The following ZC3H6 variants were observed in gnomAD, a reference collection of about 807,000 sequenced individuals.
ZC3H6 encodes zinc finger CCCH-type containing 6.
A neutral mutation model predicts 107.7 loss-of-function variants in ZC3H6; 40 were observed. The observed-to-expected ratio is 0.37, with a 90% CI of 0.29 to 0.48. The LOEUF (loss-of-function observed/expected upper bound fraction) is 0.48. ZC3H6 is among the 20% of genes least tolerant of loss of function. ZC3H6 has a pLI of 0.98. For missense variants in ZC3H6, 1,267 were observed against 1,410.4 expected (o/e 0.90, Z 1.63); for synonymous variants, 493 against 487.9 (o/e 1.01, Z -0.14).
chr2:112,307,018 A>G (rs967148647), intron 3 of ZC3H6, among the ~76,000 whole-genome samples: 4 of 152,176 alleles, frequency 2.6e-5, no homozygotes, highest in Non-Finnish European at 5.9e-5. Context: ...CTACAAACGG[A>G]TTTAAGAAAA....
chr2:112,330,164 T>C (rs890512976), intron 11 of ZC3H6, among the ~76,000 whole-genome samples: 4 of 151,904 alleles, frequency 2.6e-5, no homozygotes, highest in African/African-American at 9.7e-5. Flanking sequence ...GCCATTCTCC[T>C]GCCTCAGCCT....
At chr2:112,282,931 A>G (rs1382574393) in intron 1 of ZC3H6, among the ~76,000 whole-genome samples, 2 of 152,194 alleles carry the variant, frequency 1.3e-5, no homozygotes, top group South Asian at 2.1e-4. Context: ...TGATGCTTAT[A>G]TGATAGTGTT....
intron 1 of ZC3H6, among the ~76,000 whole-genome samples, chr2:112,297,256 T>C (rs1676258236): frequency 6.6e-6 from 1 of 152,212 alleles, no homozygotes; most frequent in Admixed American, 6.5e-5. Flanking sequence ...GTGGATTATT[T>C]TGAAGCAGAT....
In ZC3H6 at chr2:112,308,563, T is replaced by G. The variant is rs781255406; in HGVS notation, c.337-1322T>G. ...CTCCTGCCTCAGACTCCTGAGTAGC[T>G]GAGACTACAGGTGTATGCTACCACA... On this transcript the variant is annotated intron_variant, in intron 3 of 11. Coordinates refer to ENST00000409871, the MANE Select transcript of ZC3H6 (RefSeq NM_198581.3). Among the ~76,000 whole-genome samples the G allele has an allele frequency of 1.2e-3, 174 of 150,478 alleles. 1 individual carries two copies. The highest frequency in any genetic ancestry group is 2.0e-3 in the Non-Finnish European group (134 of 67,456).
In ZC3H6 at chr2:112,275,948, C is replaced by A; in HGVS notation, c.-47C>A. 1 of 1,500,572 alleles carries A rather than the reference C, an allele frequency of 6.7e-7. No homozygotes were observed. The highest frequency in any genetic ancestry group is 8.9e-7 in the Non-Finnish European group (1 of 1,124,894). The allele number at this position is 1,500,572 out of a possible 1,614,324, so 93.0% of individuals were successfully genotyped here. On this transcript the variant is annotated 5_prime_UTR_variant, in exon 1 of 12. Transcript: ENST00000409871. ...GGTCTTCCCCGCGCCCCGCCGCCGCCGGCCTCGCAGACCTGCCCTCCAGCC... is the reference window on the plus strand; with the variant it reads ...GGTCTTCCCCGCGCCCCGCCGCCGCAGGCCTCGCAGACCTGCCCTCCAGCC...
At chr2:112,326,136 G>A (rs1676902763) in intron 11 of ZC3H6, among the ~76,000 whole-genome samples, 1 of 152,060 alleles carries the variant, frequency 6.6e-6, no homozygotes, top group Admixed American at 6.5e-5. Context: ...TTTGATAGAG[G>A]CATGCAATGC....
chr2:112,308,404 T>TTTTTTTTATTTATTTATTTA (rs1553493701), intron 3 of ZC3H6, among the ~76,000 whole-genome samples: 1 of 138,274 alleles, frequency 7.2e-6, no homozygotes, highest in African/African-American at 2.8e-5. Context: ...TTTTATTTTA[T>TTTTTTTTATTTATTTATTTA]TTTATTTATT....
intron 1 of ZC3H6, among the ~76,000 whole-genome samples, chr2:112,293,103 TAAGA>T (rs1045363756): frequency 3.9e-5 from 6 of 152,214 alleles, no homozygotes; most frequent in African/African-American, 4.8e-5. Context: ...CAAAAGTAAG[TAAGA>T]AAGGAATTCT....
intron 1 of ZC3H6, among the ~76,000 whole-genome samples, chr2:112,291,125 G>A (rs1234424824): frequency 6.6e-6 from 1 of 152,052 alleles, no homozygotes; most frequent in African/African-American, 2.4e-5. Flanking sequence ...ATTAGTTAGG[G>A]GTTTCTGGCA....
intron 3 of ZC3H6, among the ~76,000 whole-genome samples, chr2:112,306,414 C>A (rs919969991): frequency 5.9e-5 from 9 of 152,166 alleles, no homozygotes; most frequent in African/African-American, 2.2e-4. Context: ...CTCAGGTGAT[C>A]TGCCCACCTC....
chr2:112,295,318 G>A (rs1243093616), intron 1 of ZC3H6, among the ~76,000 whole-genome samples: 1 of 152,074 alleles, frequency 6.6e-6, no homozygotes, highest in African/African-American at 2.4e-5. Flanking sequence ...TCTATTTGAT[G>A]TATTACATTT....
intron 1 of ZC3H6, 110 bp downstream of exon 1, chr2:112,276,136 G>C: frequency 1.1e-6 from 1 of 951,284 alleles, no homozygotes; most frequent in Non-Finnish European, 1.6e-6. Flanking sequence ...TCTCTGTGTG[G>C]CTCCGTCAGT....
intron 4 of ZC3H6, among the ~76,000 whole-genome samples, chr2:112,310,812 A>G (rs1411775726): frequency 6.6e-6 from 1 of 152,218 alleles, no homozygotes; most frequent in African/African-American, 2.4e-5. Context: ...GTGAGGAGCC[A>G]CACTCTGTAT....
intron 1 of ZC3H6, among the ~76,000 whole-genome samples, chr2:112,295,758 TA>T (rs1235959652): frequency 6.6e-6 from 1 of 152,066 alleles, no homozygotes; most frequent in East Asian, 1.9e-4. Flanking sequence ...TAAGGGAAAC[TA>T]AAAAAAATTT....
chr2:112,308,857 G>C lies in ZC3H6; in HGVS notation c.337-1028G>C, dbSNP rs891847010. 7.9e-5 allele frequency among the ~76,000 whole-genome samples: 12 copies of C among 151,550 alleles called. No individual in the cohort carries two copies. In the East Asian group the frequency reaches 2.4e-3, roughly 30 times the overall value. The stretch of plus-strand genomic sequence containing the variant: ...TCACAAGGTCAGGAGTTCGAGACCA[G>C]CCTGGCCAACATAGTGAAACCCCAT... On this transcript the variant is annotated intron_variant, in intron 3 of 11. Transcript: ENST00000409871.
At chr2:112,290,426 A>G (rs1367796815) in intron 1 of ZC3H6, among the ~76,000 whole-genome samples, 1 of 152,266 alleles carries the variant, frequency 6.6e-6, no homozygotes, top group Non-Finnish European at 1.5e-5. Context: ...CACTTCCCTG[A>G]CGGATGACTT....
At chr2:112,317,124 C>A (rs1676711179) in intron 6 of ZC3H6, 97 bp from the exon 7 acceptor site, 1 of 640,000 alleles carries the variant, frequency 1.6e-6, no homozygotes. Flanking sequence ...CATAATTTTA[C>A]CATGAGACAC....
At chr2:112,301,084 A>G (rs1430600144) in intron 2 of ZC3H6, among the ~76,000 whole-genome samples, 2 of 152,238 alleles carry the variant, frequency 1.3e-5, no homozygotes, top group African/African-American at 2.4e-5. Context: ...CAGAGGGAAA[A>G]TAAAGGGACT....
rs537221532 is a variant in ZC3H6 at position 112,329,963 on chromosome 2, C to T, written c.2087-1042C>T. On this transcript the variant is annotated intron_variant, in intron 11 of 11. Coordinates refer to ENST00000409871, the MANE Select transcript of ZC3H6 (RefSeq NM_198581.3). Reference sequence around the variant, plus strand: ...TAGGTAGGCTTCTTTAGGTAGGCTTCTTAAACTTGCATCTAATATGCTAGA... The same window carrying T: ...TAGGTAGGCTTCTTTAGGTAGGCTTTTTAAACTTGCATCTAATATGCTAGA... Among the ~76,000 whole-genome samples, 3 of 151,986 alleles carry T rather than the reference C, an allele frequency of 2.0e-5. No homozygotes were observed. The South Asian group carries it at 6.2e-4, about 32-fold the overall frequency.
Sources: gnomAD v4.1 joint callset for allele counts (sites outside exome capture counted in the v4.1 genomes callset) on GRCh38, gnomAD v4.1.1 for gene constraint, MANE v1.5 for transcripts, NCBI Gene and HGNC (gene_info 2026-07-23, HGNC 2026-07-21) for gene names.